GPT2: variants seen among roughly 807,000 people sequenced by gnomAD.
The protein encoded by GPT2 is alanine aminotransferase 2.
A neutral mutation model predicts 56.9 loss-of-function variants in GPT2; 30 were observed. The ratio of observed to expected loss-of-function variants is 0.53; its 90% CI spans 0.39 to 0.72. The LOEUF (loss-of-function observed/expected upper bound fraction) is 0.72. GPT2 is among the 30% of genes least tolerant of loss of function. The pLI is 0.00. For synonymous variants in GPT2, 271 were observed against 283.1 expected, an observed-to-expected ratio of 0.96 and a Z score of 0.43; for missense variants, 542 against 703.4, an observed-to-expected ratio of 0.77 and a Z score of 2.60.
intron 2 of GPT2, among the ~76,000 whole-genome samples, chr16:46,889,429 T>C (rs1208344193): frequency 6.6e-6 from 1 of 151,888 alleles, no homozygotes; most frequent in Admixed American, 6.6e-5. Context: ...GCTAATTTCC[T>C]TTTTTGTAGA....
chr16:46,924,585 C>T (rs750819755), intron 10 of GPT2, 41 bp downstream of exon 10: 3 of 1,605,282 alleles, frequency 1.9e-6, no homozygotes, highest in Non-Finnish European at 2.6e-6. Context: ...TTACCAGGTT[C>T]ACCTGAGATG....
chr16:46,893,195 A>G (rs1361152393), intron 2 of GPT2, among the ~76,000 whole-genome samples: 1 of 152,154 alleles, frequency 6.6e-6, no homozygotes, highest in Admixed American at 6.6e-5. Flanking sequence ...CAGTGGCGCA[A>G]TCTCGGCTCA....
At position 46,900,765 on chromosome 16, in the gene GPT2, G is replaced by A; in HGVS notation, c.417G>A (p.Leu139=). The change falls in exon 4 of 12, where the codon CTG becomes CTA. Residue 139 remains leucine (L), a synonymous_variant. Coordinates refer to ENST00000340124, the MANE Select transcript of GPT2 (RefSeq NM_133443.4). ...EDAKKRARRI[L]QACGGNSLGS... is the part of the protein sequence containing the mutation. ...CTAAGAAACGTGCCCGGCGGATCCTGCAGGCTTGTGGCGGGAACAGCCTGG... is the reference window on the plus strand; with the variant it reads ...CTAAGAAACGTGCCCGGCGGATCCTACAGGCTTGTGGCGGGAACAGCCTGG... The A allele has an allele frequency of 3.1e-6, 5 of 1,614,060 alleles. No individual in the cohort carries two copies. The highest frequency in any genetic ancestry group is 4.2e-6 in the Non-Finnish European group (5 of 1,179,924).
chr16:46,885,156 T>G (rs564553894), intron 2 of GPT2, 198 bp downstream of exon 2: 16 of 1,312,792 alleles, frequency 1.2e-5, no homozygotes, highest in Non-Finnish European at 1.5e-5. Flanking sequence ...AGTGAGGCCT[T>G]GCAATACGGT....
At position 46,906,807 on chromosome 16, in the gene GPT2, C is replaced by T. The variant is rs750934009; in HGVS notation, c.443-35C>T. 16 of 1,608,446 alleles carry T rather than the reference C, an allele frequency of 9.9e-6. 1 individual carries two copies. In the South Asian group the frequency reaches 1.8e-4, roughly 18 times the overall value. ...TATTGACCCTGTGGAGCCAGACATC[C>T]TGCCTCTGTTACTGTCTTGCCTGCT... On this transcript the variant is annotated intron_variant, in intron 4 of 11. Transcript: ENST00000340124.
intron 6 of GPT2, among the ~76,000 whole-genome samples, chr16:46,913,275 CT>C (rs1961079694): frequency 6.6e-6 from 1 of 152,200 alleles, no homozygotes; most frequent in Non-Finnish European, 1.5e-5. Context: ...TGCTTAGTCA[CT>C]TGTGTTTCCT....
chr16:46,907,457 G>T (rs1960954110), intron 5 of GPT2, among the ~76,000 whole-genome samples: 1 of 152,226 alleles, frequency 6.6e-6, no homozygotes, highest in African/African-American at 2.4e-5. Context: ...CTCCGACCTG[G>T]TGGAGCGGGG....
Position 46,918,626 on chromosome 16 carries a change from C to T in GPT2, c.906C>T (p.Tyr302=), listed in dbSNP as rs1388792170. ...EKLFLLADEV[Y]QDNVYSPDCR... is the part of the protein sequence containing the mutation. ...TCCCTGCCGTGCCCCCGCAGGTGTA[C>T]CAGGACAACGTGTACTCTCCAGATT... Residue 302 remains tyrosine (Y), a synonymous_variant, in exon 8 of 12, where the codon TAC becomes TAT. Coordinates refer to ENST00000340124, the MANE Select transcript of GPT2 (RefSeq NM_133443.4). 1 of 1,614,128 alleles carries T rather than the reference C, an allele frequency of 6.2e-7. No homozygotes were observed. Among genetic ancestry groups the T allele is most frequent in the Non-Finnish European group, 8.5e-7 (1 of 1,179,980 alleles).
chr16:46,921,914 C>G (rs943407750), intron 8 of GPT2, among the ~76,000 whole-genome samples: 3 of 152,140 alleles, frequency 2.0e-5, no homozygotes, highest in Non-Finnish European at 4.4e-5. Context: ...GGTCCACCTA[C>G]ACACAGGTGT....
At chr16:46,922,132 TG>T in intron 8 of GPT2, 109 bp from the exon 9 acceptor site, 1 of 976,024 alleles carries the variant, frequency 1.0e-6, no homozygotes, top group Non-Finnish European at 1.6e-6. Context: ...CAGCCACACC[TG>T]GCCATTTGGT....
chr16:46,916,795 G>A (rs1961177198), intron 7 of GPT2, 88 bp downstream of exon 7: 1 of 918,998 alleles, frequency 1.1e-6, no homozygotes, highest in Non-Finnish European at 1.8e-6. Flanking sequence ...CAGCCAGAGA[G>A]AACTGTCTTG....
intron 5 of GPT2, among the ~76,000 whole-genome samples, chr16:46,907,577 A>G (rs1023180192): frequency 1.3e-5 from 2 of 152,214 alleles, no homozygotes; most frequent in South Asian, 4.1e-4. Context: ...GCAGAGGCCT[A>G]GAGCTGGCAG....
chr16:46,909,767 A>G lies in GPT2; in HGVS notation c.660A>G (p.Ser220=), dbSNP rs1961008207. ...CCATCCCACAATATCCCCTCTATTC[A>G]GCTGTCATCTCTGAGCTCGACGCCA... The part of the protein sequence containing the change: ...MIPIPQYPLY[S]AVISELDAIQ... The change falls in exon 6 of 12, where the codon TCA becomes TCG. Residue 220 remains serine (S), a synonymous_variant. Transcript: ENST00000340124. The G allele has an allele frequency of 6.2e-7, 1 of 1,614,134 alleles. No individual in the cohort carries two copies. Among genetic ancestry groups the G allele is most frequent in the Non-Finnish European group, 8.5e-7 (1 of 1,180,026 alleles).
At chr16:46,912,937 T>G (rs1440208638) in intron 6 of GPT2, among the ~76,000 whole-genome samples, 2 of 152,190 alleles carry the variant, frequency 1.3e-5, no homozygotes, top group Non-Finnish European at 2.9e-5. Flanking sequence ...GCTACAGATG[T>G]TCCCATCAGC....
intron 7 of GPT2, among the ~76,000 whole-genome samples, chr16:46,917,190 G>A (rs748316845): frequency 1.3e-5 from 2 of 152,170 alleles, no homozygotes; most frequent in Non-Finnish European, 2.9e-5. Context: ...GCCCATTGCT[G>A]AACCAATCAC....
intron 10 of GPT2, 129 bp from the exon 11 acceptor site, chr16:46,926,796 T>C (rs1961424235): frequency 5.6e-6 from 3 of 535,756 alleles, no homozygotes; most frequent in Non-Finnish European, 9.5e-6. Context: ...CCTGGTCCTC[T>C]AGGAGCGGAA....
intron 2 of GPT2, among the ~76,000 whole-genome samples, chr16:46,887,664 C>T (rs1960510466): frequency 6.6e-6 from 1 of 151,578 alleles, no homozygotes; most frequent in African/African-American, 2.4e-5. Flanking sequence ...CTTGGGGACT[C>T]AGGGTGACTC....
rs532186129 is a variant in GPT2 at position 46,896,676 on chromosome 16, G to C, written c.244-972G>C. Among the ~76,000 whole-genome samples the C allele has an allele frequency of 5.3e-5, 8 of 152,256 alleles. No homozygotes were observed. The East Asian group carries it at 1.5e-3, about 29-fold the overall frequency. On this transcript the variant is annotated intron_variant, in intron 2 of 11. Coordinates refer to ENST00000340124, the MANE Select transcript of GPT2 (RefSeq NM_133443.4). ...TGCCTGACATTTGGCATGTTCTGCT[G>C]CTGACCCCTGCCTCCCTCCCACACA...
chr16:46,927,606 C>T (rs1402108531), intron 11 of GPT2, among the ~76,000 whole-genome samples: 1 of 152,252 alleles, frequency 6.6e-6, no homozygotes, highest in Non-Finnish European at 1.5e-5. Flanking sequence ...CTCTTCAGAA[C>T]AACATCTTCC....
Sources: allele counts gnomAD v4.1 joint callset (sites outside exome capture counted in the v4.1 genomes callset), GRCh38; gene constraint gnomAD v4.1.1; transcripts MANE v1.5; gene names NCBI Gene and HGNC (gene_info 2026-07-23, HGNC 2026-07-21).